Variants in GXYLT1 observed in about 807,000 individuals in gnomAD.
GXYLT1 encodes the protein glycosyltransferase 8 domain containing 3.
Under a neutral mutation model 54.0 loss-of-function variants are expected in GXYLT1, and 29 were observed. The observed-to-expected ratio is 0.54, with a 90% CI of 0.40 to 0.73. GXYLT1 has a LOEUF of 0.73. Among genes scored for constraint, GXYLT1 ranks in the 30% least tolerant of loss-of-function variants. The probability of loss-of-function intolerance (pLI) is 0.00; values close to 1 mark genes in which losing one functional copy is unlikely to be tolerated. For synonymous variants in GXYLT1, 176 were observed against 204.1 expected (o/e 0.86, Z 1.17); for missense variants, 490 against 553.4 (o/e 0.89, Z 1.15).
rs370105761 is a variant in GXYLT1, at chr12:42,097,610, G to C, written c.993C>G (p.Ser331Arg). Reference protein sequence around the residue: ...LNIVFFHNPESLFVFPCQWNY... With the variant: ...LNIVFFHNPERLFVFPCQWNY... ...TCCATTGACACGGAAAAACAAAAAG[G>C]CTTTCTACATAAAGAAAAGACCAAA... The change falls in exon 7 of 8, where the codon AGC becomes AGG. Residue 331 changes from serine (S) to arginine (R), a missense_variant. Ser to Arg is a moderately radical substitution (Grantham distance 110). Around this residue, in one of 2 missense-constraint regions of GXYLT1, gnomAD observed 342 missense variants for 342.6 expected, o/e 1.00. Transcript: ENST00000398675. 5 of 1,604,584 alleles carry C rather than the reference G, an allele frequency of 3.1e-6. No homozygotes were observed. In the African/African-American group the frequency reaches 5.4e-5, roughly 17 times the overall value.
At chr12:42,091,466 GCATTT>G (rs1467601084) in intron 7 of GXYLT1, among the ~76,000 whole-genome samples, 1 of 152,078 alleles carries the variant, frequency 6.6e-6, no homozygotes, top group African/African-American at 2.4e-5. Context: ...TTATAGGAAT[GCATTT>G]CTTTTCTATC....
rs141735312 is a variant in GXYLT1, at chr12:42,087,430, T to C, written c.*356A>G. Reference sequence around the variant, plus strand: ...AAAATTATTGCTCTACTCACAGTCTTGAGTGTTGGCACTGTTTGAGGTACA... The same window carrying C: ...AAAATTATTGCTCTACTCACAGTCTCGAGTGTTGGCACTGTTTGAGGTACA... On this transcript the variant is annotated 3_prime_UTR_variant, in exon 8 of 8. Coordinates refer to ENST00000398675, the MANE Select transcript of GXYLT1 (RefSeq NM_173601.2). 1.4e-4 allele frequency: 24 copies of C among 176,870 alleles called. 1 individual carries two copies. The East Asian group carries it at 2.8e-3, about 21-fold the overall frequency. 11.0% of individuals were successfully genotyped at this position (176,870 alleles called of 1,614,324 possible). A position where few individuals can be genotyped will look rare whatever the true frequency, so the allele number is the denominator to read the frequency against.
Position 42,097,629 on chromosome 12 carries a change from G to C in GXYLT1, c.989-15C>G. The C allele has an allele frequency of 6.3e-7, 1 of 1,595,616 alleles. No individual in the cohort carries two copies. Among genetic ancestry groups the C allele is most frequent in the East Asian group, 2.3e-5 (1 of 44,440 alleles). ...AAAAAGGCTTTCTACATAAAGAAAA[G>C]ACCAAACAATGAAGCAAATACCCCT... On this transcript the variant is annotated splice_polypyrimidine_tract_variant and intron_variant, in intron 6 of 7. Coordinates refer to ENST00000398675, the MANE Select transcript of GXYLT1 (RefSeq NM_173601.2).
intron 5 of GXYLT1, among the ~76,000 whole-genome samples, chr12:42,101,125 A>G (rs1301661889): frequency 6.6e-6 from 1 of 152,256 alleles, no homozygotes; most frequent in Admixed American, 6.5e-5. Context: ...TTTGCTAATG[A>G]TATAACCTAG....
chr12:42,133,056 G>T (rs929263632), intron 1 of GXYLT1, among the ~76,000 whole-genome samples: 1 of 152,144 alleles, frequency 6.6e-6, no homozygotes, highest in Admixed American at 6.5e-5. Flanking sequence ...GCCAAGGTAG[G>T]CGGATCACTT....
intron 3 of GXYLT1, among the ~76,000 whole-genome samples, chr12:42,114,736 T>C (rs983465889): frequency 6.6e-6 from 1 of 152,144 alleles, no homozygotes; most frequent in Non-Finnish European, 1.5e-5. Flanking sequence ...TCTGAAACTA[T>C]TCCAATCAAT....
chr12:42,087,650 A>T lies in GXYLT1; in HGVS notation c.*136T>A. ...TCTTCATTACCTGAAAATACTGCTTACTTAACTTCTTTAGGAAAAAAAAAA... is the reference window on the plus strand; with the variant it reads ...TCTTCATTACCTGAAAATACTGCTTTCTTAACTTCTTTAGGAAAAAAAAAA... On this transcript the variant is annotated 3_prime_UTR_variant, in exon 8 of 8. Transcript: ENST00000398675. 1.7e-6 allele frequency: 1 copy of T among 601,364 alleles called. No homozygotes were observed. Among genetic ancestry groups the T allele is most frequent in the Non-Finnish European group, 2.8e-6 (1 of 354,514 alleles). 37.3% of individuals were successfully genotyped at this position (601,364 alleles called of 1,614,324 possible). A position where few individuals can be genotyped will look rare whatever the true frequency, so the allele number is the denominator to read the frequency against.
chr12:42,109,662 A>C lies in GXYLT1; in HGVS notation c.516T>G (p.Phe172Leu). ...RLDNWSFLQT[F>L]NYTLYPITFP... Reference sequence around the variant, plus strand: ...AGGTTATGGGGTATAACGTATAATTAAATGTTTGTAGAAATGACCAGTTGT... The same window carrying C: ...AGGTTATGGGGTATAACGTATAATTCAATGTTTGTAGAAATGACCAGTTGT... The change falls in exon 4 of 8, where the codon TTT (phenylalanine) becomes TTG (leucine). Residue 172 changes from phenylalanine (F) to leucine (L), a missense_variant. By Grantham distance (22) the Phe-to-Leu change is conservative (BLOSUM62 0). Coordinates refer to ENST00000398675, the MANE Select transcript of GXYLT1 (RefSeq NM_173601.2). 1.3e-6 allele frequency: 2 copies of C among 1,559,634 alleles called. No individual in the cohort carries two copies. Among genetic ancestry groups the C allele is most frequent in the Non-Finnish European group, 1.7e-6 (2 of 1,145,730 alleles).
intron 2 of GXYLT1, among the ~76,000 whole-genome samples, chr12:42,120,260 C>G (rs1330159779): frequency 1.3e-5 from 2 of 152,208 alleles, no homozygotes; most frequent in Non-Finnish European, 2.9e-5. Flanking sequence ...TTCAGTATTA[C>G]ATTCAATCTT....
At chr12:42,091,029 T>A (rs2065325906) in intron 7 of GXYLT1, among the ~76,000 whole-genome samples, 1 of 152,264 alleles carries the variant, frequency 6.6e-6, no homozygotes, top group South Asian at 2.1e-4. Flanking sequence ...TAATTCATAC[T>A]GTTCACTGCA....
At chr12:42,132,637 G>A (rs2065599121) in intron 1 of GXYLT1, among the ~76,000 whole-genome samples, 5 of 152,032 alleles carry the variant, frequency 3.3e-5, no homozygotes, top group South Asian at 4.1e-4. Flanking sequence ...CTTGATCTTC[G>A]TTAGTCTCAA....
At position 42,119,096 on chromosome 12, in the gene GXYLT1, A is replaced by C. The variant is rs754186164; in HGVS notation, c.390T>G (p.Thr130=). Residue 130 remains threonine, a synonymous_variant, in exon 3 of 8, where the codon ACT becomes ACG. Transcript: ENST00000398675. The part of the protein sequence containing the change: ...VVACGERLEE[T]MTMLKSAIIF... ...TGATAGCTGACTTCAACATGGTCAT[A>C]GTTTCTTCCAGTCTTTCACCACAGG... 10 of 1,613,614 alleles carry C rather than the reference A, an allele frequency of 6.2e-6. No homozygotes were observed. Among genetic ancestry groups the C allele is most frequent in the Non-Finnish European group, 8.5e-6 (10 of 1,179,580 alleles).
At chr12:42,108,062 A>C (rs1202031979) in intron 4 of GXYLT1, among the ~76,000 whole-genome samples, 2 of 152,230 alleles carry the variant, frequency 1.3e-5, no homozygotes, top group Non-Finnish European at 2.9e-5. Context: ...CAATTTACTT[A>C]AATCTGGTTA....
intron 1 of GXYLT1, among the ~76,000 whole-genome samples, chr12:42,131,014 T>C (rs1220291001): frequency 6.6e-6 from 1 of 152,184 alleles, no homozygotes; most frequent in South Asian, 2.1e-4. Flanking sequence ...AAAATCATGC[T>C]GATATTCACA....
rs1017075775 is a variant in GXYLT1 at position 42,085,295 on chromosome 12, T to G, written c.*2491A>C. The G allele has an allele frequency of 6.6e-6, 1 of 152,246 alleles. No individual in the cohort carries two copies. The highest frequency in any genetic ancestry group is 1.5e-5 in the Non-Finnish European group (1 of 68,052). 9.4% of individuals were successfully genotyped at this position (152,246 alleles called of 1,614,324 possible). On this transcript the variant is annotated 3_prime_UTR_variant, in exon 8 of 8. Transcript: ENST00000398675. ...GAAGAACCTTCCAACTGATCCACAA[T>G]GTAGTGTGTGTGACAGTGTAAATAA...
chr12:42,111,163 C>A (rs932433099), intron 3 of GXYLT1, among the ~76,000 whole-genome samples: 1 of 152,216 alleles, frequency 6.6e-6, no homozygotes, highest in Non-Finnish European at 1.5e-5. Flanking sequence ...GCCAAGATGG[C>A]CGAATAGGAA....
intron 2 of GXYLT1, among the ~76,000 whole-genome samples, chr12:42,120,530 T>A (rs1004194329): frequency 1.3e-5 from 2 of 151,136 alleles, no homozygotes; most frequent in Non-Finnish European, 2.9e-5. Flanking sequence ...GTCTTTTTAC[T>A]TTTTTTTCCT....
chr12:42,107,543 T>C (rs2065428400), intron 4 of GXYLT1, among the ~76,000 whole-genome samples: 1 of 152,042 alleles, frequency 6.6e-6, no homozygotes, highest in Non-Finnish European at 1.5e-5. Flanking sequence ...ATACAAAAAT[T>C]AGCCAGGTGT....
At chr12:42,109,982 T>C (rs1197986242) in intron 3 of GXYLT1, among the ~76,000 whole-genome samples, 1 of 152,170 alleles carries the variant, frequency 6.6e-6, no homozygotes, top group East Asian at 1.9e-4. Context: ...TTTGTCTTCC[T>C]CAACTTTACC....
Sources: gnomAD v4.1 joint callset for allele counts (sites outside exome capture counted in the v4.1 genomes callset) on GRCh38, gnomAD v4.1.1 for gene constraint, gnomAD v4.1.1 regional missense constraint, MANE v1.5 for transcripts, NCBI Gene and HGNC (gene_info 2026-07-23, HGNC 2026-07-21) for gene names.